The following SPAST variants were observed in gnomAD, a reference collection of about 807,000 sequenced individuals.
SPAST encodes the protein spastin, also known as spastic paraplegia 4 (autosomal dominant; spastin).
In SPAST, 30 loss-of-function variants were observed where a neutral mutation model predicts 76.6. The observed-to-expected ratio is 0.39, with a 90% CI of 0.29 to 0.53. The LOEUF (loss-of-function observed/expected upper bound fraction) is 0.53. Ranked by LOEUF, SPAST falls within the 20% of genes least tolerant of loss-of-function variation. The pLI is 0.68. For synonymous variants in SPAST, 305 were observed against 281.0 expected (o/e 1.09, Z -0.86); for missense variants, 717 against 770.5 (o/e 0.93, Z 0.82).
chr2:32,076,446 G>A (rs1026215626), intron 1 of SPAST, among the ~76,000 whole-genome samples: 2 of 151,980 alleles, frequency 1.3e-5, no homozygotes, highest in Admixed American at 6.6e-5. Flanking sequence ...GGTCTTGAAT[G>A]CCTGGCCTCA....
chr2:32,065,544 A>C (rs1465407043), intron 1 of SPAST, among the ~76,000 whole-genome samples: 1 of 152,198 alleles, frequency 6.6e-6, no homozygotes, highest in African/African-American at 2.4e-5. Flanking sequence ...TGTGCTAATA[A>C]TGAAATTTCT....
chr2:32,072,047 T>C (rs1288751066), intron 1 of SPAST, among the ~76,000 whole-genome samples: 1 of 152,134 alleles, frequency 6.6e-6, no homozygotes, highest in East Asian at 1.9e-4. Context: ...GTTTTATTTA[T>C]TTATTTATTT....
rs1553394635 is a variant in SPAST at position 32,064,204 on chromosome 2, G to T, written c.373G>T (p.Glu125Ter). Reference protein sequence around the residue: ...RVRVFHKQAFEYISIALRIDE... With the variant: ...RVRVFHKQAF The stretch of plus-strand genomic sequence containing the variant: ...CCGAGTCTTCCACAAACAGGCCTTC[G>T]AGTACATCTCCATTGCCCTGCGCAT... Residue 125 changes from glutamate (E) to a stop codon, truncating the protein, a stop_gained, in exon 1 of 17, where the codon GAG becomes TAG. Coordinates refer to ENST00000315285, the MANE Select transcript of SPAST (RefSeq NM_014946.4). LOFTEE classifies it high-confidence loss of function. The T allele has an allele frequency of 6.5e-7, 1 of 1,549,784 alleles. No individual in the cohort carries two copies. Among genetic ancestry groups the T allele is most frequent in the Admixed American group, 2.0e-5 (1 of 51,044 alleles).
At chr2:32,125,635 C>T (rs1418623101) in intron 7 of SPAST, among the ~76,000 whole-genome samples, 1 of 152,024 alleles carries the variant, frequency 6.6e-6, no homozygotes. Context: ...GGAGCTCTAC[C>T]CTTGATTCCT....
intron 4 of SPAST, 82 bp downstream of exon 4, chr2:32,098,973 A>C (rs1678020949): frequency 2.2e-6 from 2 of 919,716 alleles, no homozygotes; most frequent in Non-Finnish European, 3.6e-6. Flanking sequence ...TGTTGATTTG[A>C]TTTTATAATG....
intron 4 of SPAST, among the ~76,000 whole-genome samples, chr2:32,113,976 T>C (rs564133146): frequency 1.3e-5 from 2 of 150,900 alleles, no homozygotes; most frequent in African/African-American, 4.9e-5. Flanking sequence ...ATGGAATCTC[T>C]CTCTGTCGCC....
chr2:32,092,275 A>C (rs1450759464), intron 3 of SPAST, among the ~76,000 whole-genome samples: 1 of 152,190 alleles, frequency 6.6e-6, no homozygotes, highest in Non-Finnish European at 1.5e-5. Context: ...TTACTGTGTC[A>C]GATATAATTA....
At chr2:32,124,318 G>A (rs1283757396) in intron 7 of SPAST, among the ~76,000 whole-genome samples, 1 of 152,096 alleles carries the variant, frequency 6.6e-6, no homozygotes, top group Non-Finnish European at 1.5e-5. Context: ...ACAACAACAA[G>A]ATACCCTGCC....
intron 4 of SPAST, among the ~76,000 whole-genome samples, chr2:32,111,446 G>C (rs1215228174): frequency 1.4e-5 from 2 of 146,336 alleles, no homozygotes; most frequent in Non-Finnish European, 3.0e-5. Flanking sequence ...ATAGTATACT[G>C]TATAGTATAT....
chr2:32,130,896 T>C lies in SPAST; in HGVS notation c.1245+2417T>C, dbSNP rs565384164. On this transcript the variant is annotated intron_variant, in intron 9 of 16. Coordinates refer to ENST00000315285, the MANE Select transcript of SPAST (RefSeq NM_014946.4). ...CAGATCTATGTCTTCGGAACAGACATGAGATCAGAATTGTCTAGCTGCTAT... is the reference window on the plus strand; with the variant it reads ...CAGATCTATGTCTTCGGAACAGACACGAGATCAGAATTGTCTAGCTGCTAT... 2.6e-5 allele frequency among the ~76,000 whole-genome samples: 4 copies of C among 152,136 alleles called. No individual in the cohort carries two copies. In the East Asian group the frequency reaches 7.7e-4, roughly 29 times the overall value.
chr2:32,095,876 G>T (rs193285131), intron 3 of SPAST, among the ~76,000 whole-genome samples: 77 of 152,312 alleles, frequency 5.1e-4, no homozygotes, highest in African/African-American at 1.8e-3. Flanking sequence ...GATTGCCGAG[G>T]CGTAAGAGGT....
chr2:32,124,628 C>T (rs781158185), intron 7 of SPAST, among the ~76,000 whole-genome samples: 1 of 152,228 alleles, frequency 6.6e-6, no homozygotes, highest in Non-Finnish European at 1.5e-5. Context: ...GTTGCCAAAA[C>T]TTGGAAGCAG....
intron 1 of SPAST, among the ~76,000 whole-genome samples, chr2:32,072,782 G>T (rs1465612228): frequency 6.6e-6 from 1 of 152,102 alleles, no homozygotes; most frequent in African/African-American, 2.4e-5. Context: ...TGTCAGATTT[G>T]GTAATTTTCT....
chr2:32,117,398 A>G (rs950559429), intron 7 of SPAST, among the ~76,000 whole-genome samples: 3 of 152,140 alleles, frequency 2.0e-5, no homozygotes, highest in Middle Eastern at 3.4e-3. Flanking sequence ...AGAGTGTGGT[A>G]AACTCCATCG....
At chr2:32,079,131 A>G (rs1677096063) in intron 1 of SPAST, among the ~76,000 whole-genome samples, 1 of 152,134 alleles carries the variant, frequency 6.6e-6, no homozygotes, top group African/African-American at 2.4e-5. Context: ...GTGAACCACC[A>G]TGCTCCACCT....
intron 3 of SPAST, among the ~76,000 whole-genome samples, chr2:32,095,836 G>A (rs1468260277): frequency 6.6e-6 from 1 of 152,186 alleles, no homozygotes; most frequent in East Asian, 1.9e-4. Context: ...TGGTGAGTAG[G>A]GGAGGGTACA....
Position 32,115,542 on chromosome 2 carries a change from TAC to T in SPAST, c.871-158_871-157del, listed in dbSNP as rs113321359. On this transcript the variant is annotated intron_variant, in intron 5 of 16. Coordinates refer to ENST00000315285, the MANE Select transcript of SPAST (RefSeq NM_014946.4). Reference sequence around the variant, plus strand: ...ATGCCAAATATAGTTCTCTAGTGAATACAGTTTTACCTTCAGGTAAATAAATA... The same window carrying T: ...ATGCCAAATATAGTTCTCTAGTGAATAGTTTTACCTTCAGGTAAATAAATA... Among the ~76,000 whole-genome samples the T allele has an allele frequency of 6.1e-3, 926 of 152,304 alleles. 11 individuals are homozygous for T. Among genetic ancestry groups the T allele is most frequent in the African/African-American group, 0.021 (885 of 41,574 alleles).
At chr2:32,107,139 C>T (rs1395270669) in intron 4 of SPAST, among the ~76,000 whole-genome samples, 3 of 152,110 alleles carry the variant, frequency 2.0e-5, no homozygotes, top group Admixed American at 1.3e-4. Context: ...CTTCCTGCAA[C>T]CTGTTTGAAA....
At chr2:32,112,559 G>T (rs1678656709) in intron 4 of SPAST, among the ~76,000 whole-genome samples, 1 of 152,004 alleles carries the variant, frequency 6.6e-6, no homozygotes, top group South Asian at 2.1e-4. Flanking sequence ...CATTGGTCAG[G>T]CTTGTCTCAA....
Sources: allele counts gnomAD v4.1 joint callset (sites outside exome capture counted in the v4.1 genomes callset), GRCh38; gene constraint gnomAD v4.1.1; transcripts MANE v1.5; gene names NCBI Gene and HGNC (gene_info 2026-07-23, HGNC 2026-07-21).